Variants in RHOT1 observed in about 807,000 individuals in gnomAD.
The protein encoded by RHOT1 is mitochondrial Rho GTPase 1.
In RHOT1, 27 loss-of-function variants were observed where a neutral mutation model predicts 95.3. That is an observed-to-expected ratio of 0.28 (90% CI 0.21 to 0.39). The LOEUF is 0.39. RHOT1 is among the 10% of genes least tolerant of loss of function. RHOT1 has a pLI of 1.00. For synonymous variants in RHOT1, 227 were observed against 263.5 expected (o/e 0.86, Z 1.34); for missense variants, 578 against 786.7 (o/e 0.73, Z 3.17).
intron 4 of RHOT1, 137 bp downstream of exon 4, chr17:32,175,499 T>G: frequency 1.2e-6 from 1 of 857,630 alleles, no homozygotes; most frequent in Admixed American, 2.0e-5. Flanking sequence ...TCACCCACTC[T>G]GTCACCCAGT....
intron 19 of RHOT1, among the ~76,000 whole-genome samples, chr17:32,219,949 C>G (rs1017714136): frequency 6.6e-6 from 1 of 152,110 alleles, no homozygotes; most frequent in Non-Finnish European, 1.5e-5. Context: ...GAAAAAAAAC[C>G]TTTATACATA....
chr17:32,189,422 C>A (rs1490529118), intron 8 of RHOT1, among the ~76,000 whole-genome samples: 1 of 152,210 alleles, frequency 6.6e-6, no homozygotes, highest in Non-Finnish European at 1.5e-5. Context: ...GGAACTCTTA[C>A]AAGAATTTAC....
chr17:32,143,046 T>G, intron 1 of RHOT1: 10 of 670,138 alleles, frequency 1.5e-5, no homozygotes, highest in Non-Finnish European at 1.4e-5. Context: ...GAAGCTTCTC[T>G]CCTCCTTTTC....
rs1177867578 is a variant in RHOT1, at chr17:32,203,970, G to A, written c.1413G>A (p.Leu471=). ...ATGTATATGGACAAGAGAAATACTTGTTGGTAAGAAATTCTGTGGCATACA... is the reference window on the plus strand; with the variant it reads ...ATGTATATGGACAAGAGAAATACTTATTGGTAAGAAATTCTGTGGCATACA... ...TVYVYGQEKY[L]LLHDISESEF... The change falls in exon 16 of 20, where the codon TTG becomes TTA. Residue 471 remains leucine, a synonymous_variant. Transcript: ENST00000545287. The A allele has an allele frequency of 6.3e-7, 1 of 1,597,094 alleles. No individual in the cohort carries two copies. The highest frequency in any genetic ancestry group is 1.7e-5 in the Admixed American group (1 of 58,820).
At chr17:32,157,710 A>T (rs1175131905) in intron 1 of RHOT1, among the ~76,000 whole-genome samples, 5 of 152,098 alleles carry the variant, frequency 3.3e-5, no homozygotes, top group African/African-American at 1.2e-4. Context: ...AGGCTGAGAG[A>T]CAGGAGAATC....
intron 14 of RHOT1, among the ~76,000 whole-genome samples, chr17:32,202,019 C>G (rs955805540): frequency 4.6e-5 from 7 of 152,258 alleles, no homozygotes; most frequent in Admixed American, 2.0e-4. Flanking sequence ...TCAAGCGATT[C>G]AGCTGCCTCA....
At chr17:32,151,095 G>T in intron 1 of RHOT1, 2 of 995,644 alleles carry the variant, frequency 2.0e-6, no homozygotes, top group East Asian at 2.4e-5. Flanking sequence ...AAACAGCCAG[G>T]TTATCATCTC....
chr17:32,217,239 T>A (rs2038529774), intron 19 of RHOT1, among the ~76,000 whole-genome samples: 1 of 152,228 alleles, frequency 6.6e-6, no homozygotes, highest in Non-Finnish European at 1.5e-5. Flanking sequence ...AGTATGTTAC[T>A]ATTTAGGCGT....
intron 1 of RHOT1, among the ~76,000 whole-genome samples, chr17:32,161,680 A>C (rs1388438393): frequency 6.6e-6 from 1 of 152,216 alleles, no homozygotes; most frequent in Non-Finnish European, 1.5e-5. Flanking sequence ...GTTAGAAGCA[A>C]GATGGAGTCA....
chr17:32,167,997 ATGCTCT>A (rs778887654), intron 1 of RHOT1, among the ~76,000 whole-genome samples: 1 of 151,998 alleles, frequency 6.6e-6, no homozygotes, highest in Non-Finnish European at 1.5e-5. Flanking sequence ...TCATCCCACT[ATGCTCT>A]AGCCTAGGTG....
At chr17:32,178,639 G>T (rs1485701371) in intron 6 of RHOT1, among the ~76,000 whole-genome samples, 1 of 151,976 alleles carries the variant, frequency 6.6e-6, no homozygotes, top group East Asian at 1.9e-4. Context: ...GAGCATCTCT[G>T]CCCGGCTGCC....
chr17:32,216,157 G>A (rs1318966196), intron 19 of RHOT1, among the ~76,000 whole-genome samples: 1 of 151,988 alleles, frequency 6.6e-6, no homozygotes, highest in Non-Finnish European at 1.5e-5. Flanking sequence ...CTCCTGCTTT[G>A]CATGAGAATG....
chr17:32,191,800 A>G (rs988901008), intron 8 of RHOT1, among the ~76,000 whole-genome samples: 2 of 152,124 alleles, frequency 1.3e-5, no homozygotes, highest in Non-Finnish European at 2.9e-5. Context: ...TTCTGCTACC[A>G]GAAGTCTGAT....
At chr17:32,201,324 A>T (rs733674) in intron 14 of RHOT1, among the ~76,000 whole-genome samples, 4,694 of 152,296 alleles carry the variant, frequency 0.031, 261 homozygotes, top group African/African-American at 0.11. Flanking sequence ...GCATTAAAGG[A>T]TTTACCAGTT....
intron 1 of RHOT1, among the ~76,000 whole-genome samples, chr17:32,147,100 A>G (rs1306210356): frequency 6.6e-6 from 1 of 151,480 alleles, no homozygotes; most frequent in East Asian, 2.0e-4. Context: ...GCTGCAGTGC[A>G]GTGGCACAAT....
intron 19 of RHOT1, among the ~76,000 whole-genome samples, chr17:32,219,608 A>G (rs1363956072): frequency 1.3e-5 from 2 of 152,210 alleles, no homozygotes; most frequent in Admixed American, 1.3e-4. Context: ...GAATTTTGCA[A>G]CATTTTCTTC....
chr17:32,192,320 A>C, intron 9 of RHOT1, 21 bp downstream of exon 9: 6 of 1,184,186 alleles, frequency 5.1e-6, no homozygotes, highest in African/African-American at 1.6e-5. Flanking sequence ...TTTATTTCAG[A>C]CATTTGCGTA....
chr17:32,155,437 G>A (rs1471076818), intron 1 of RHOT1, among the ~76,000 whole-genome samples: 1 of 151,704 alleles, frequency 6.6e-6, no homozygotes, highest in Non-Finnish European at 1.5e-5. Context: ...TGGGATTACA[G>A]GTTTGAGCCA....
intron 8 of RHOT1, among the ~76,000 whole-genome samples, chr17:32,184,744 CG>C (rs1374137324): frequency 1.3e-5 from 2 of 151,922 alleles, no homozygotes; most frequent in East Asian, 3.9e-4. Flanking sequence ...GCAGTCTTCC[CG>C]CCTCCACCTC....
Sources: gnomAD v4.1 joint callset for allele counts (sites outside exome capture counted in the v4.1 genomes callset) on GRCh38, gnomAD v4.1.1 for gene constraint, MANE v1.5 for transcripts, NCBI Gene and HGNC (gene_info 2026-07-23, HGNC 2026-07-21) for gene names.